The following WWOX variants were observed in gnomAD, a reference collection of about 807,000 sequenced individuals.
WWOX encodes the protein WW domain containing oxidoreductase.
WWOX carries 69 observed loss-of-function variants against 46.2 expected under a neutral mutation model. The ratio of observed to expected loss-of-function variants is 1.49; its 90% confidence interval spans 1.23 to 1.82. The LOEUF is 1.82. WWOX is among the 40% of genes most tolerant of loss of function. WWOX has a pLI of 0.00. For missense variants in WWOX, 919 were observed against 542.6 expected, an observed-to-expected ratio of 1.69 and a Z score of -6.89; for synonymous variants, 359 against 202.6, an observed-to-expected ratio of 1.77 and a Z score of -6.56.
At chr16:78,751,166 G>C (rs2049466765) in intron 8 of WWOX, among the ~76,000 whole-genome samples, 1 of 151,822 alleles carries the variant, frequency 6.6e-6, no homozygotes, top group Admixed American at 6.6e-5. Context: ...GACTCAAAAG[G>C]GAATAGTACA....
chr16:78,357,450 T>A (rs529256847), intron 5 of WWOX, among the ~76,000 whole-genome samples: 11 of 152,324 alleles, frequency 7.2e-5, no homozygotes, highest in Middle Eastern at 3.4e-3. Context: ...CAATGAATGA[T>A]TGATTGAATC....
intron 5 of WWOX, among the ~76,000 whole-genome samples, chr16:78,356,904 C>A (rs752749329): frequency 4.0e-5 from 6 of 151,818 alleles, no homozygotes; most frequent in African/African-American, 1.5e-4. Context: ...AAAAAAAGTT[C>A]CAATACACAA....
At chr16:78,961,367 C>G (rs1347564420) in intron 8 of WWOX, among the ~76,000 whole-genome samples, 1 of 152,132 alleles carries the variant, frequency 6.6e-6, no homozygotes, top group Non-Finnish European at 1.5e-5. Context: ...TGGTCTTTGA[C>G]CATCAAGGAG....
chr16:78,547,307 G>A (rs1309700279), intron 8 of WWOX, among the ~76,000 whole-genome samples: 2 of 151,982 alleles, frequency 1.3e-5, no homozygotes, highest in South Asian at 2.1e-4. Flanking sequence ...CTACTAGAGG[G>A]GGCACTATTA....
intron 8 of WWOX, among the ~76,000 whole-genome samples, chr16:79,087,560 C>G (rs972084432): frequency 6.6e-6 from 1 of 151,364 alleles, no homozygotes; most frequent in African/African-American, 2.4e-5. Flanking sequence ...AAAGCCAGAG[C>G]AAGACTCTGT....
chr16:78,190,927 A>G (rs1472837417), intron 5 of WWOX, among the ~76,000 whole-genome samples: 2 of 152,132 alleles, frequency 1.3e-5, no homozygotes, highest in African/African-American at 2.4e-5. Context: ...GACCCAGGGT[A>G]TCAGTCATCT....
chr16:78,742,170 T>C (rs2049244624), intron 8 of WWOX, among the ~76,000 whole-genome samples: 1 of 152,232 alleles, frequency 6.6e-6, no homozygotes, highest in South Asian at 2.1e-4. Flanking sequence ...TACATGTAGA[T>C]TGTACATCGT....
At chr16:79,080,221 G>C (rs532423868) in intron 8 of WWOX, among the ~76,000 whole-genome samples, 1 of 152,182 alleles carries the variant, frequency 6.6e-6, no homozygotes, top group South Asian at 2.1e-4. Flanking sequence ...GCCAAGCCTT[G>C]GGAGGGGTGA....
At chr16:78,388,364 C>A (rs1023300748) in intron 6 of WWOX, among the ~76,000 whole-genome samples, 1 of 152,114 alleles carries the variant, frequency 6.6e-6, no homozygotes, top group Non-Finnish European at 1.5e-5. Flanking sequence ...AGTTTGCTCT[C>A]AGCTGGGTGC....
chr16:78,388,482 C>G (rs993672816), intron 6 of WWOX, among the ~76,000 whole-genome samples: 2 of 151,680 alleles, frequency 1.3e-5, no homozygotes, highest in Non-Finnish European at 2.9e-5. Context: ...CCCATCTCTA[C>G]TAAAGATACA....
intron 5 of WWOX, among the ~76,000 whole-genome samples, chr16:78,191,931 CA>C (rs1715152568): frequency 6.6e-6 from 1 of 152,140 alleles, no homozygotes; most frequent in South Asian, 2.1e-4. Context: ...GAAAGTATGA[CA>C]CACAGAGAAC....
At chr16:78,351,291 C>T (rs141490647) in intron 5 of WWOX, among the ~76,000 whole-genome samples, 8 of 152,300 alleles carry the variant, frequency 5.3e-5, no homozygotes, top group Non-Finnish European at 8.8e-5. Flanking sequence ...TCCTTTAAAT[C>T]CCTTTACTTT....
intron 8 of WWOX, among the ~76,000 whole-genome samples, chr16:78,859,919 G>C (rs936371941): frequency 6.6e-6 from 1 of 151,854 alleles, no homozygotes; most frequent in Non-Finnish European, 1.5e-5. Flanking sequence ...CATATTTTTT[G>C]CTTGCTTGAA....
At chr16:78,149,675 A>G (rs560384897) in intron 4 of WWOX, among the ~76,000 whole-genome samples, 2 of 152,312 alleles carry the variant, frequency 1.3e-5, no homozygotes, top group African/African-American at 4.8e-5. Flanking sequence ...CTTAAATTAT[A>G]CACATGCCAA....
intron 8 of WWOX, among the ~76,000 whole-genome samples, chr16:78,741,547 G>T (rs1352486454): frequency 6.6e-6 from 1 of 151,818 alleles, no homozygotes; most frequent in Non-Finnish European, 1.5e-5. Context: ...GACAGAGTGA[G>T]ACTGTGTCTC....
chr16:78,577,621 A>G (rs1193953048), intron 8 of WWOX, among the ~76,000 whole-genome samples: 6 of 152,156 alleles, frequency 3.9e-5, no homozygotes, highest in African/African-American at 1.4e-4. Flanking sequence ...TGGTTCCTAA[A>G]TTATTTAAAT....
intron 4 of WWOX, among the ~76,000 whole-genome samples, chr16:78,129,228 T>C (rs2033489569): frequency 6.6e-6 from 1 of 152,172 alleles, no homozygotes; most frequent in South Asian, 2.1e-4. Flanking sequence ...AAGCTAGTCT[T>C]GTTGGTGTGT....
At chr16:79,142,194 C>T (rs1351209484) in intron 8 of WWOX, among the ~76,000 whole-genome samples, 4 of 151,562 alleles carry the variant, frequency 2.6e-5, no homozygotes, top group African/African-American at 9.7e-5. Flanking sequence ...TGGAGGTGAC[C>T]AAGCAGACAT....
At position 79,212,180 on chromosome 16, in the gene WWOX, C is replaced by A. The variant is rs757708765; in HGVS notation, c.*384C>A. 2 of 1,479,036 alleles carry A rather than the reference C, an allele frequency of 1.4e-6. No homozygotes were observed. Among genetic ancestry groups the A allele is most frequent in the South Asian group, 1.4e-5 (1 of 73,540 alleles). 91.6% of individuals were successfully genotyped at this position (1,479,036 alleles called of 1,614,324 possible). A position where few individuals can be genotyped will look rare whatever the true frequency, so the allele number is the denominator to read the frequency against. On this transcript the variant is annotated 3_prime_UTR_variant, in exon 9 of 9. Coordinates refer to ENST00000566780, the MANE Select transcript of WWOX (RefSeq NM_016373.4). The stretch of plus-strand genomic sequence containing the variant: ...CTACCACCACGGCCACCACTGCAGC[C>A]GGGGGCTGGCCTTCTCCTACTTAGG...
Sources: gnomAD v4.1 joint callset for allele counts (sites outside exome capture counted in the v4.1 genomes callset) on GRCh38, gnomAD v4.1.1 for gene constraint, MANE v1.5 for transcripts, NCBI Gene and HGNC (gene_info 2026-07-23, HGNC 2026-07-21) for gene names.